Variants in NTM observed in about 807,000 individuals in gnomAD.
The protein encoded by NTM is IgLON family member 2.
In NTM, 13 loss-of-function variants were observed where a neutral mutation model predicts 42.1. The ratio of observed to expected loss-of-function variants is 0.31; its 90% CI spans 0.20 to 0.49. The LOEUF (loss-of-function observed/expected upper bound fraction) is 0.49, where lower values mean the gene tolerates loss of function less well. Among genes scored for constraint, NTM ranks in the 20% least tolerant of loss-of-function variants. NTM has a pLI of 0.99. For synonymous variants in NTM, 187 were observed against 179.2 expected, an observed-to-expected ratio of 1.04 and a Z score of -0.35; for missense variants, 373 against 452.8, an observed-to-expected ratio of 0.82 and a Z score of 1.60.
chr11:131,524,362 G>C (rs2050170449), intron 1 of NTM, among the ~76,000 whole-genome samples: 2 of 152,180 alleles, frequency 1.3e-5, no homozygotes, highest in Admixed American at 1.3e-4. Flanking sequence ...GGCTGGGCCT[G>C]GTGCTGACAT....
intron 2 of NTM, among the ~76,000 whole-genome samples, chr11:132,142,862 C>T (rs900642235): frequency 4.6e-5 from 7 of 152,220 alleles, no homozygotes; most frequent in African/African-American, 7.2e-5. Context: ...TGTTGGGGGA[C>T]GGCTTCCGTT....
chr11:131,590,962 A>G (rs1371674975), intron 1 of NTM, among the ~76,000 whole-genome samples: 1 of 152,112 alleles, frequency 6.6e-6, no homozygotes, highest in Non-Finnish European at 1.5e-5. Flanking sequence ...TGGGCTGGAG[A>G]CAGGACTGCA....
At chr11:131,848,107 A>T (rs1365580019) in intron 1 of NTM, among the ~76,000 whole-genome samples, 2 of 152,174 alleles carry the variant, frequency 1.3e-5, no homozygotes, top group East Asian at 1.9e-4. Context: ...GTGGTGTATC[A>T]CTAAATGGAA....
Position 131,695,088 on chromosome 11 carries a change from G to A in NTM, c.83-216476G>A, listed in dbSNP as rs536792219. On this transcript the variant is annotated intron_variant, in intron 1 of 8. Transcript: ENST00000683400. ...GAGCTGTCTGCCAGGGGAAACGCACGATGCGTTGTCCAGGACATTCTCACC... is the reference window on the plus strand; with the variant it reads ...GAGCTGTCTGCCAGGGGAAACGCACAATGCGTTGTCCAGGACATTCTCACC... Among the ~76,000 whole-genome samples, 128 of 152,264 alleles carry A rather than the reference G, an allele frequency of 8.4e-4. 1 individual carries two copies. Among genetic ancestry groups the A allele is most frequent in the African/African-American group, 3.0e-3 (123 of 41,560 alleles).
At chr11:132,041,900 A>G (rs2077256537) in intron 2 of NTM, among the ~76,000 whole-genome samples, 1 of 152,212 alleles carries the variant, frequency 6.6e-6, no homozygotes, top group Non-Finnish European at 1.5e-5. Context: ...GAGAAGGTCA[A>G]ATAAGTGTCA....
intron 1 of NTM, among the ~76,000 whole-genome samples, chr11:131,573,197 T>A (rs2057615591): frequency 6.6e-6 from 1 of 152,150 alleles, no homozygotes; most frequent in African/African-American, 2.4e-5. Flanking sequence ...TCATCTTCTA[T>A]CATTCCTAGG....
chr11:131,435,160 G>T (rs1199193887), intron 1 of NTM, among the ~76,000 whole-genome samples: 1 of 152,072 alleles, frequency 6.6e-6, no homozygotes, highest in Non-Finnish European at 1.5e-5. Context: ...TATCTGTTTT[G>T]GTACCAGTAC....
At position 132,002,440 on chromosome 11, in the gene NTM, G is replaced by A. The variant is rs529809117; in HGVS notation, c.167+90792G>A. Among the ~76,000 whole-genome samples the A allele has an allele frequency of 2.0e-5, 3 of 152,276 alleles. No homozygotes were observed. The highest frequency in any genetic ancestry group is 3.9e-4 in the East Asian group (2 of 5,188). On this transcript the variant is annotated intron_variant, in intron 2 of 8. Coordinates refer to ENST00000683400, the MANE Select transcript of NTM (RefSeq NM_001352005.2). This position sits in a 1 kb window ranked among gnomAD's most constrained non-coding sequence, Gnocchi z 4.5. ...TTTTGGTTGAATAGGATAAGAATGA[G>A]AATTTTGAGTGTCAGTGATCAACAA...
chr11:131,598,209 T>G (rs565470278), intron 1 of NTM, among the ~76,000 whole-genome samples: 4 of 152,346 alleles, frequency 2.6e-5, no homozygotes, highest in Non-Finnish European at 5.9e-5. Context: ...GAAAATCACT[T>G]TTGCAAGAGA....
At chr11:132,267,114 G>A (rs1403878355) in intron 4 of NTM, among the ~76,000 whole-genome samples, 1 of 152,130 alleles carries the variant, frequency 6.6e-6, no homozygotes, top group Non-Finnish European at 1.5e-5. Context: ...ATACATGTCT[G>A]CTGTACTCCC....
intron 2 of NTM, among the ~76,000 whole-genome samples, chr11:132,102,501 G>A (rs995522510): frequency 2.6e-5 from 4 of 152,172 alleles, no homozygotes; most frequent in African/African-American, 9.7e-5. Flanking sequence ...AAAGCGAGGT[G>A]GATCTCACTT....
intron 1 of NTM, among the ~76,000 whole-genome samples, chr11:131,375,766 TA>T (rs1941884329): frequency 1.3e-5 from 2 of 151,770 alleles, no homozygotes; most frequent in African/African-American, 4.8e-5. Flanking sequence ...TTTTGGTCGG[TA>T]ACCTCTGAGA....
intron 1 of NTM, among the ~76,000 whole-genome samples, chr11:131,760,646 G>A (rs901139016): frequency 3.9e-5 from 6 of 152,142 alleles, no homozygotes; most frequent in Non-Finnish European, 8.8e-5. Flanking sequence ...AGATAACCCT[G>A]CTGAGACAGT....
Position 132,335,235 on chromosome 11 carries a change from G to T in NTM, c.*89G>T. The T allele has an allele frequency of 7.2e-7, 1 of 1,380,208 alleles. No homozygotes were observed. Among genetic ancestry groups the T allele is most frequent in the Non-Finnish European group, 1.0e-6 (1 of 1,002,252 alleles). The allele number at this position is 1,380,208 out of a possible 1,614,324, so 85.5% of individuals were successfully genotyped here. On this transcript the variant is annotated 3_prime_UTR_variant, in exon 9 of 9. Transcript: ENST00000683400. Reference sequence around the variant, plus strand: ...TGGCAACACCGACAGCAACCAATCAGATATATACAAATGAAATTAGAAGAA... The same window carrying T: ...TGGCAACACCGACAGCAACCAATCATATATATACAAATGAAATTAGAAGAA...
At chr11:131,843,960 C>A (rs1356326267) in intron 1 of NTM, among the ~76,000 whole-genome samples, 1 of 151,996 alleles carries the variant, frequency 6.6e-6, no homozygotes, top group Non-Finnish European at 1.5e-5. Flanking sequence ...TTTTTTCTCC[C>A]AGCCTGTGTC....
chr11:131,496,148 G>A (rs754380210), intron 1 of NTM, among the ~76,000 whole-genome samples: 2 of 152,124 alleles, frequency 1.3e-5, no homozygotes, highest in Non-Finnish European at 2.9e-5. Flanking sequence ...GGATTTTCTG[G>A]GTGCAGTTCC....
chr11:132,134,680 T>C (rs1430771719), intron 2 of NTM, among the ~76,000 whole-genome samples: 1 of 138,836 alleles, frequency 7.2e-6, no homozygotes, highest in Non-Finnish European at 1.5e-5. Context: ...TTTTGTTCCT[T>C]TTTATGGCCG....
intron 4 of NTM, among the ~76,000 whole-genome samples, chr11:132,281,591 A>G (rs1234061860): frequency 6.6e-6 from 1 of 152,246 alleles, no homozygotes; most frequent in African/African-American, 2.4e-5. Flanking sequence ...GTCTGTAAGA[A>G]TAGATATCTA....
chr11:131,619,212 G>A (rs922553714), intron 1 of NTM, among the ~76,000 whole-genome samples: 6 of 152,196 alleles, frequency 3.9e-5, no homozygotes, highest in East Asian at 3.9e-4. Flanking sequence ...GGCAAAGCCC[G>A]AATAAGGAAA....
Sources: allele counts gnomAD v4.1 joint callset (sites outside exome capture counted in the v4.1 genomes callset), GRCh38; gene constraint gnomAD v4.1.1; non-coding constraint Gnocchi (gnomAD v3.1); transcripts MANE v1.5; gene names NCBI Gene and HGNC (gene_info 2026-07-23, HGNC 2026-07-21).